PURB: variants seen among roughly 807,000 people sequenced by gnomAD.
PURB encodes purine rich element binding protein B.
A neutral mutation model predicts 21.1 loss-of-function variants in PURB; 11 were observed. That is an observed-to-expected ratio of 0.52 (90% CI 0.33 to 0.86). The LOEUF (loss-of-function observed/expected upper bound fraction) is 0.86, where lower values mean the gene tolerates loss of function less well. Among genes scored for constraint, PURB ranks in the 40% least tolerant of loss-of-function variants. The probability of loss-of-function intolerance (pLI) is 0.02; values close to 1 mark genes in which losing one functional copy is unlikely to be tolerated. For synonymous variants in PURB, 246 were observed against 210.8 expected (o/e 1.17, Z -1.45); for missense variants, 357 against 456.5 (o/e 0.78, Z 1.99).
Position 44,885,461 on chromosome 7 carries a change from C to T in PURB, c.-113G>A. On this transcript the variant is annotated 5_prime_UTR_variant, in exon 1 of 1. Transcript: ENST00000395699. ...GCCCGGCTCGCTCACGCGCTCCCGC[C>T]GCTCATCGCCGGCCGCCGCCGCCCC... 1 of 244,992 alleles carries T rather than the reference C, an allele frequency of 4.1e-6. No individual in the cohort carries two copies. Among genetic ancestry groups the T allele is most frequent in the Non-Finnish European group, 6.5e-6 (1 of 153,642 alleles). 15.2% of individuals were successfully genotyped at this position (244,992 alleles called of 1,614,324 possible).
In PURB at chr7:44,882,970, G is replaced by A. The variant is rs1408470171; in HGVS notation, c.*1440C>T. ...CCCCAACTTTTATTCTTGAAAGACA[G>A]CTGGATTAACTGGCAAAAGCCAGTT... On this transcript the variant is annotated 3_prime_UTR_variant, in exon 1 of 1. Transcript: ENST00000395699. The A allele has an allele frequency of 6.6e-6, 1 of 152,272 alleles. No homozygotes were observed. The highest frequency in any genetic ancestry group is 1.5e-5 in the Non-Finnish European group (1 of 68,048). 9.4% of individuals were successfully genotyped at this position (152,272 alleles called of 1,614,324 possible).
Position 44,884,509 on chromosome 7 carries a change from T to C in PURB, c.840A>G (p.Lys280=), listed in dbSNP as rs1242088619. 6.2e-7 allele frequency: 1 copy of C among 1,614,112 alleles called. No individual in the cohort carries two copies. The highest frequency in any genetic ancestry group is 8.5e-7 in the Non-Finnish European group (1 of 1,180,032). The change falls in exon 1 of 1, where the codon AAA becomes AAG. Residue 280 remains lysine (K), a synonymous_variant. Transcript: ENST00000395699. ...GAFCRYADEM[K]EIQERQRDKL... ...TATCCCTCTGTCGTTCCTGGATTTC[T>C]TTCATCTCATCCGCATACCGGCAAA... is the stretch of plus-strand genomic sequence containing the variant.
In PURB at chr7:44,882,440, A is replaced by G. The variant is rs991699935; in HGVS notation, c.*1970T>C. On this transcript the variant is annotated 3_prime_UTR_variant, in exon 1 of 1. Transcript: ENST00000395699. ...ATGATGAGAGTAGAGAAATAGTCTG[A>G]AAAGGGCACCAATGTTTGTGGCTCT... 1 of 152,684 alleles carries G rather than the reference A, an allele frequency of 6.5e-6. No individual in the cohort carries two copies. The highest frequency in any genetic ancestry group is 6.5e-5 in the Admixed American group (1 of 15,292). 9.5% of individuals were successfully genotyped at this position (152,684 alleles called of 1,614,324 possible).
Position 44,884,626 on chromosome 7 carries a change from G to GTT in PURB, c.722_723insAA (p.Tyr241Ter), listed in dbSNP as rs1793928273. ...CCTCGCTCACTCGCAGAAACACCCC[G>GTT]TATTTGTTGCAGCCCACATCGAAGA... ...RFFFDVGCNK[Y>*]GVFLRVSEVK... Residue 241 changes from tyrosine (Y) to a stop codon, truncating the protein, a stop_gained and frameshift_variant, in exon 1 of 1, where the codon TAC becomes TAAAC. Transcript: ENST00000395699. LOFTEE classifies it high-confidence loss of function. The GTT allele has an allele frequency of 6.2e-7, 1 of 1,614,112 alleles. No homozygotes were observed.
rs889332482 is a variant in PURB at position 44,882,739 on chromosome 7, G to A, written c.*1671C>T. On this transcript the variant is annotated 3_prime_UTR_variant, in exon 1 of 1. Transcript: ENST00000395699. ...AAAAAAATACTAAGATTGTGGAGGC[G>A]GGGTTACTTGCCTCCTGGTTGAGAA... 2 of 152,156 alleles carry A rather than the reference G, an allele frequency of 1.3e-5. No individual in the cohort carries two copies. The highest frequency in any genetic ancestry group is 4.8e-5 in the African/African-American group (2 of 41,444). 9.4% of individuals were successfully genotyped at this position (152,156 alleles called of 1,614,324 possible).
chr7:44,878,193 A>G lies in PURB; in HGVS notation c.*6217T>C, dbSNP rs538473724. On this transcript the variant is annotated 3_prime_UTR_variant, in exon 1 of 1. Transcript: ENST00000395699. ...GAAGTGTTATTTAAGGTAAGGGGGA[A>G]AAAAGGACAAACTCATGCCTTCTGC... is the stretch of plus-strand genomic sequence containing the variant. 1.3e-5 allele frequency: 2 copies of G among 152,340 alleles called. No homozygotes were observed. The highest frequency in any genetic ancestry group is 2.9e-5 in the Non-Finnish European group (2 of 68,024). 9.4% of individuals were successfully genotyped at this position (152,340 alleles called of 1,614,324 possible).
rs1250718158 is a variant in PURB, at chr7:44,879,930, G to A, written c.*4480C>T. On this transcript the variant is annotated 3_prime_UTR_variant, in exon 1 of 1. Transcript: ENST00000395699. ...GTCACTTGATATTTTTTCAAGTGAA[G>A]TACAAAGTAGAAAAGGAGCAAAAAG... The A allele has an allele frequency of 6.6e-6, 1 of 152,440 alleles. No individual in the cohort carries two copies. The highest frequency in any genetic ancestry group is 1.5e-5 in the Non-Finnish European group (1 of 68,022). 9.4% of individuals were successfully genotyped at this position (152,440 alleles called of 1,614,324 possible). A position where few individuals can be genotyped will look rare whatever the true frequency, so the allele number is the denominator to read the frequency against.
chr7:44,885,022 G>C lies in PURB; in HGVS notation c.327C>G (p.Ala109=), dbSNP rs775179589. Residue 109 remains alanine, a synonymous_variant, in exon 1 of 1, where the codon GCC becomes GCG. Transcript: ENST00000395699. ...CGCGCCGCGGCCCGCCGCCCTCCTC[G>C]GCGCCAGCCGCCAGCTGCTCGGGGC... The part of the protein sequence containing the change: ...PSSPEQLAAG[A]EEGGGPRRAL... 1.3e-6 allele frequency: 2 copies of C among 1,544,058 alleles called. No homozygotes were observed. The highest frequency in any genetic ancestry group is 2.8e-5 in the African/African-American group (2 of 70,948).
rs1377606624 is a variant in PURB at position 44,876,775 on chromosome 7, T to C, written c.*7635A>G. 1 of 152,670 alleles carries C rather than the reference T, an allele frequency of 6.6e-6. No individual in the cohort carries two copies. Among genetic ancestry groups the C allele is most frequent in the Non-Finnish European group, 1.5e-5 (1 of 68,038 alleles). The allele number at this position is 152,670 out of a possible 1,614,324, so 9.5% of individuals were successfully genotyped here. A position where few individuals can be genotyped will look rare whatever the true frequency, so the allele number is the denominator to read the frequency against. ...AACCAAGGTACTTAAAAAAATGAAC[T>C]TTTTGGTCTCTCAGCAGATATTCCC... On this transcript the variant is annotated 3_prime_UTR_variant, in exon 1 of 1. Coordinates refer to ENST00000395699, the MANE Select transcript of PURB (RefSeq NM_033224.5).
In PURB at chr7:44,885,416, G is replaced by T; in HGVS notation, c.-68C>A. The stretch of plus-strand genomic sequence containing the variant: ...GCCCCCGCCCTCCGGCTCGCGCTCC[G>T]GGGCCCCCCAGCCTCGCCCGCCCGG... On this transcript the variant is annotated 5_prime_UTR_variant, in exon 1 of 1. Transcript: ENST00000395699. 2 of 580,412 alleles carry T rather than the reference G, an allele frequency of 3.4e-6. No homozygotes were observed. The highest frequency in any genetic ancestry group is 4.4e-6 in the Non-Finnish European group (2 of 459,232). The allele number at this position is 580,412 out of a possible 1,614,324, so 36.0% of individuals were successfully genotyped here.
At position 44,885,265 on chromosome 7, in the gene PURB, C is replaced by G. The variant is rs749109223; in HGVS notation, c.84G>C (p.Glu28Asp). Residue 28 changes from glutamate (E) to aspartate (D), a missense_variant, in exon 1 of 1, where the codon GAG (glutamate) becomes GAC (aspartate). Glu to Asp is a conservative substitution (Grantham distance 45, BLOSUM62 2). Transcript: ENST00000395699. The part of the protein sequence containing the change: ...GFQPASRGGG[E>D]QETQELASKR... ...TCGAGGCCAGCTCCTGCGTCTCTTGCTCGCCGCCGCCGCGGGACGCGGGCT... is the reference window on the plus strand; with the variant it reads ...TCGAGGCCAGCTCCTGCGTCTCTTGGTCGCCGCCGCCGCGGGACGCGGGCT... The G allele has an allele frequency of 1.3e-6, 2 of 1,547,388 alleles. No homozygotes were observed. The highest frequency in any genetic ancestry group is 8.6e-7 in the Non-Finnish European group (1 of 1,156,146).
In PURB at chr7:44,880,638, C is replaced by T. The variant is rs1793862906; in HGVS notation, c.*3772G>A. The T allele has an allele frequency of 6.6e-6, 1 of 152,568 alleles. No homozygotes were observed. The highest frequency in any genetic ancestry group is 2.4e-5 in the African/African-American group (1 of 41,402). 9.5% of individuals were successfully genotyped at this position (152,568 alleles called of 1,614,324 possible). ...TATAACCAGCCTCTTTTGCCCACAACCCTGCATCTTCAGATAAGACAGGAT... is the reference window on the plus strand; with the variant it reads ...TATAACCAGCCTCTTTTGCCCACAATCCTGCATCTTCAGATAAGACAGGAT... On this transcript the variant is annotated 3_prime_UTR_variant, in exon 1 of 1. Transcript: ENST00000395699.
At position 44,883,406 on chromosome 7, in the gene PURB, A is replaced by C. The variant is rs1223437951; in HGVS notation, c.*1004T>G. 1 of 152,640 alleles carries C rather than the reference A, an allele frequency of 6.6e-6. No homozygotes were observed. The highest frequency in any genetic ancestry group is 1.5e-5 in the Non-Finnish European group (1 of 68,034). The allele number at this position is 152,640 out of a possible 1,614,324, so 9.5% of individuals were successfully genotyped here. ...AGCCAACCAGTGGCTGTAACAGCCGAATTAGCCATAATTCACTGGCTCACA... is the reference window on the plus strand; with the variant it reads ...AGCCAACCAGTGGCTGTAACAGCCGCATTAGCCATAATTCACTGGCTCACA... On this transcript the variant is annotated 3_prime_UTR_variant, in exon 1 of 1. Coordinates refer to ENST00000395699, the MANE Select transcript of PURB (RefSeq NM_033224.5).
rs765206386 is a variant in PURB at position 44,885,032 on chromosome 7, G to T, written c.317C>A (p.Ala106Glu). ...QLGPSSPEQLAAGAEEGGGPR... is the reference protein window; with the variant it reads ...QLGPSSPEQLEAGAEEGGGPR... The stretch of plus-strand genomic sequence containing the variant: ...CCCGCCGCCCTCCTCGGCGCCAGCC[G>T]CCAGCTGCTCGGGGCTGCTAGGGCC... The change falls in exon 1 of 1, where the codon GCG becomes GAG. Residue 106 changes from alanine (A) to glutamate (E), a missense_variant. Physicochemically the swap from Ala to Glu is moderately radical, Grantham distance 107 (BLOSUM62 -1). Transcript: ENST00000395699. 1 of 1,549,104 alleles carries T rather than the reference G, an allele frequency of 6.5e-7. No individual in the cohort carries two copies. The highest frequency in any genetic ancestry group is 2.0e-5 in the Admixed American group (1 of 50,132).
At position 44,885,388 on chromosome 7, in the gene PURB, C is replaced by T. The variant is rs1793943804; in HGVS notation, c.-40G>A. 1 of 857,248 alleles carries T rather than the reference C, an allele frequency of 1.2e-6. No individual in the cohort carries two copies. Among genetic ancestry groups the T allele is most frequent in the Non-Finnish European group, 1.4e-6 (1 of 696,560 alleles). 53.1% of individuals were successfully genotyped at this position (857,248 alleles called of 1,614,324 possible). ...CCTCGCCGCCACCGCCCGCCGCGCTCGCGCCCCCGCCCTCCGGCTCGCGCT... is the reference window on the plus strand; with the variant it reads ...CCTCGCCGCCACCGCCCGCCGCGCTTGCGCCCCCGCCCTCCGGCTCGCGCT... On this transcript the variant is annotated 5_prime_UTR_variant, in exon 1 of 1. Coordinates refer to ENST00000395699, the MANE Select transcript of PURB (RefSeq NM_033224.5).
At position 44,880,308 on chromosome 7, in the gene PURB, C is replaced by G. The variant is rs1793858666; in HGVS notation, c.*4102G>C. ...TTTTCTCCTTCCCTTTCTCACTGAT[C>G]AAGGCCACACTATTTTCAAATGAAT... On this transcript the variant is annotated 3_prime_UTR_variant, in exon 1 of 1. Transcript: ENST00000395699. 1 of 152,576 alleles carries G rather than the reference C, an allele frequency of 6.6e-6. No homozygotes were observed. The highest frequency in any genetic ancestry group is 6.5e-5 in the Admixed American group (1 of 15,278). The allele number at this position is 152,576 out of a possible 1,614,324, so 9.5% of individuals were successfully genotyped here.
rs756122510 is a variant in PURB at position 44,884,692 on chromosome 7, G to C, written c.657C>G (p.Leu219=). The change falls in exon 1 of 1, where the codon CTC becomes CTG. Residue 219 remains leucine, a synonymous_variant. Transcript: ENST00000395699. ...CCACGGTGATGGAGGTGCCCTCCGG[G>C]AGCTCTCCATACAGGCCGCCCCCTG... The part of the protein sequence containing the change: ...GGPGGGLYGE[L]PEGTSITVDS... 1.9e-6 allele frequency: 3 copies of C among 1,613,816 alleles called. No homozygotes were observed. The highest frequency in any genetic ancestry group is 2.7e-5 in the African/African-American group (2 of 74,920).
At position 44,884,231 on chromosome 7, in the gene PURB, C is replaced by T; in HGVS notation, c.*179G>A. 1 of 1,376,390 alleles carries T rather than the reference C, an allele frequency of 7.3e-7. No homozygotes were observed. Among genetic ancestry groups the T allele is most frequent in the South Asian group, 1.6e-5 (1 of 64,232 alleles). The allele number at this position is 1,376,390 out of a possible 1,614,324, so 85.3% of individuals were successfully genotyped here. A position where few individuals can be genotyped will look rare whatever the true frequency, so the allele number is the denominator to read the frequency against. On this transcript the variant is annotated 3_prime_UTR_variant, in exon 1 of 1. Coordinates refer to ENST00000395699, the MANE Select transcript of PURB (RefSeq NM_033224.5). ...TTCCTTGGAACTTGACTGCTTTTCT[C>T]AAGTTGTCCGTCACTGTTCTCTTAC...
rs756618488 is a variant in PURB, at chr7:44,885,013, G to A, written c.336C>T (p.Gly112=). The A allele has an allele frequency of 6.5e-6, 10 of 1,542,960 alleles. No individual in the cohort carries two copies. Among genetic ancestry groups the A allele is most frequent in the Non-Finnish European group, 8.7e-7 (1 of 1,146,370 alleles). ...TCTTGAGCGCGCGCCGCGGCCCGCC[G>A]CCCTCCTCGGCGCCAGCCGCCAGCT... ...PEQLAAGAEE[G]GGPRRALKSE... Residue 112 remains glycine, a synonymous_variant, in exon 1 of 1, where the codon GGC becomes GGT. Coordinates refer to ENST00000395699, the MANE Select transcript of PURB (RefSeq NM_033224.5).
Sources: allele counts gnomAD v4.1 joint callset, GRCh38; gene constraint gnomAD v4.1.1; transcripts MANE v1.5; gene names NCBI Gene and HGNC (gene_info 2026-07-23, HGNC 2026-07-21).